The following PFKFB3 variants were observed in gnomAD, a reference collection of about 807,000 sequenced individuals.
PFKFB3 encodes 6-phosphofructo-2-kinase/fructose-2,6-bisphosphatase 3.
A neutral mutation model predicts 68.0 loss-of-function variants in PFKFB3; 33 were observed. The ratio of observed to expected loss-of-function variants is 0.49; its 90% CI spans 0.37 to 0.65. The LOEUF is 0.65. PFKFB3 is among the 30% of genes least tolerant of loss of function. PFKFB3 has a pLI of 0.00. For synonymous variants in PFKFB3, 315 were observed against 288.2 expected (o/e 1.09, Z -0.94); for missense variants, 586 against 712.2 (o/e 0.82, Z 2.02).
the PFKFB3 span, among the ~76,000 whole-genome samples, chr10:6,319,936 T>G: frequency 6.6e-6 from 1 of 152,162 alleles, no homozygotes; most frequent in Non-Finnish European, 1.5e-5. Context: ...CAGTGGCACA[T>G]GTCTGTAATC....
At chr10:6,231,692 G>A (rs1255048440) in intron 14 of PFKFB3, 9 of 614,376 alleles carry the variant, frequency 1.5e-5, no homozygotes, top group Non-Finnish European at 1.6e-5. Context: ...CTAGATATGA[G>A]GACCCAGGGC....
At chr10:6,204,218 C>T (rs1007599038) in intron 1 of PFKFB3, among the ~76,000 whole-genome samples, 1 of 152,268 alleles carries the variant, frequency 6.6e-6, no homozygotes, top group Non-Finnish European at 1.5e-5. Flanking sequence ...GGGTGGGCAG[C>T]GCAGAGGGGC....
At chr10:6,307,682 T>C in the PFKFB3 span, among the ~76,000 whole-genome samples, 1 of 151,856 alleles carries the variant, frequency 6.6e-6, no homozygotes, top group Non-Finnish European at 1.5e-5. Flanking sequence ...ATTGAGAATC[T>C]GAGGCTCCAC....
chr10:6,278,753 C>T, the PFKFB3 span, among the ~76,000 whole-genome samples: 1 of 152,230 alleles, frequency 6.6e-6, no homozygotes, highest in Non-Finnish European at 1.5e-5. Context: ...TCCTCTAGGA[C>T]TTAGCCTAGT....
chr10:6,227,966 T>C (rs560657747), intron 14 of PFKFB3, among the ~76,000 whole-genome samples: 1 of 152,164 alleles, frequency 6.6e-6, no homozygotes, highest in Non-Finnish European at 1.5e-5. Flanking sequence ...AGGGGGTTGA[T>C]ATCCTGAGCT....
chr10:6,221,612 TC>T, intron 9 of PFKFB3, 28 bp from the exon 10 acceptor site: 2 of 1,609,700 alleles, frequency 1.2e-6, no homozygotes, highest in Non-Finnish European at 1.7e-6. Flanking sequence ...TGTGGTTTGT[TC>T]CCCTGAGTGA....
chr10:6,204,750 A>T (rs1464224165), intron 1 of PFKFB3, among the ~76,000 whole-genome samples: 1 of 152,258 alleles, frequency 6.6e-6, no homozygotes, highest in Non-Finnish European at 1.5e-5. Context: ...GCAGCTCTTA[A>T]ATCCCCAGGG....
rs1841689809 is a variant in PFKFB3 at position 6,154,100 on chromosome 10, G to A, written c.16+9087G>A. ...TGCGGGCCAGCACCGCTTCTGCAGG[G>A]TGAGAGGGTGGAAGCCAGGTGGACA... On this transcript the variant is annotated intron_variant, in intron 1 of 14. Transcript: ENST00000379789. This position sits in a 1 kb window ranked among gnomAD's most constrained non-coding sequence, Gnocchi z 4.6. 6.6e-6 allele frequency among the ~76,000 whole-genome samples: 1 copy of A among 152,302 alleles called. No individual in the cohort carries two copies. The highest frequency in any genetic ancestry group is 1.9e-4 in the East Asian group (1 of 5,182).
chr10:6,266,082 A>G, the PFKFB3 span, among the ~76,000 whole-genome samples: 2 of 151,706 alleles, frequency 1.3e-5, no homozygotes, highest in Non-Finnish European at 2.9e-5. Flanking sequence ...GTTATTTTAA[A>G]TTTTTTTGTA....
At chr10:6,316,174 C>A in the PFKFB3 span, among the ~76,000 whole-genome samples, 1 of 152,164 alleles carries the variant, frequency 6.6e-6, no homozygotes, top group Non-Finnish European at 1.5e-5. Flanking sequence ...AGACACCCAC[C>A]TTGGATCCTC....
In PFKFB3 at chr10:6,220,525, T is replaced by G; in HGVS notation, c.624-133T>G. ...CATATGCTCTGCCCCTTAGAAGGAT[T>G]CAGTCTGTGCCCTGGAGGGGCCTAC... On this transcript the variant is annotated intron_variant, in intron 7 of 14. Transcript: ENST00000379775. This position sits in a 1 kb window ranked among gnomAD's most constrained non-coding sequence, Gnocchi z 4.1. 1 of 734,912 alleles carries G rather than the reference T, an allele frequency of 1.4e-6. No individual in the cohort carries two copies. The highest frequency in any genetic ancestry group is 2.3e-6 in the Non-Finnish European group (1 of 431,694). The allele number at this position is 734,912 out of a possible 1,614,324, so 45.5% of individuals were successfully genotyped here.
chr10:6,222,324 T>C (rs964273403), intron 10 of PFKFB3, among the ~76,000 whole-genome samples: 1 of 152,190 alleles, frequency 6.6e-6, no homozygotes, highest in African/African-American at 2.4e-5. Flanking sequence ...CCCTCCTGCT[T>C]CTTTTTACAT....
intron 1 of PFKFB3, among the ~76,000 whole-genome samples, chr10:6,148,854 G>A (rs1841485329): frequency 6.6e-6 from 1 of 152,016 alleles, no homozygotes; most frequent in African/African-American, 2.4e-5. Context: ...GAGGTGGGAG[G>A]ATCACTTAAG....
chr10:6,202,922 G>C (rs74379289), upstream of PFKFB3: 14 of 1,192,600 alleles, frequency 1.2e-5, no homozygotes, highest in South Asian at 4.4e-5. Flanking sequence ...GGCGGTGCGC[G>C]GGGCATCCCA....
chr10:6,247,208 G>C (rs955684086), intron 14 of PFKFB3, among the ~76,000 whole-genome samples: 1 of 152,080 alleles, frequency 6.6e-6, no homozygotes, highest in Non-Finnish European at 1.5e-5. Flanking sequence ...GTTTCTTTTG[G>C]GTAGAAAACT....
At chr10:6,168,838 T>C (rs574016158) in intron 1 of PFKFB3, among the ~76,000 whole-genome samples, 3 of 152,294 alleles carry the variant, frequency 2.0e-5, no homozygotes, top group African/African-American at 7.2e-5. Flanking sequence ...GCCCCAGTGG[T>C]CTGACTTACA....
At chr10:6,207,011 A>G (rs1295478057) in intron 1 of PFKFB3, among the ~76,000 whole-genome samples, 1 of 148,950 alleles carries the variant, frequency 6.7e-6, no homozygotes, top group African/African-American at 2.5e-5. Flanking sequence ...CCAGGCAGAG[A>G]CGCTCCTCAC....
chr10:6,189,302 C>T (rs1050933326), intron 1 of PFKFB3, among the ~76,000 whole-genome samples: 6 of 152,148 alleles, frequency 3.9e-5, no homozygotes, highest in African/African-American at 1.4e-4. Context: ...AGTCAGGTCA[C>T]TTATTTTTTA....
At chr10:6,156,165 A>AT (rs1841784746) in intron 1 of PFKFB3, among the ~76,000 whole-genome samples, 1 of 95,290 alleles carries the variant, frequency 1.0e-5, no homozygotes, top group Admixed American at 9.4e-5. Context: ...GTGTGTGTGT[A>AT]TTTTTAGAGG....
Sources: allele counts gnomAD v4.1 joint callset (sites outside exome capture counted in the v4.1 genomes callset), GRCh38; gene constraint gnomAD v4.1.1; non-coding constraint Gnocchi (gnomAD v3.1); transcripts MANE v1.5; gene names NCBI Gene and HGNC (gene_info 2026-07-23, HGNC 2026-07-21).